The following TENM1 variants were observed in gnomAD, a reference collection of about 807,000 sequenced individuals.
TENM1 encodes teneurin transmembrane protein 1, also known as teneurin-1.
A neutral mutation model predicts 174.8 loss-of-function variants in TENM1; 35 were observed. The observed-to-expected ratio is 0.20, with a 90% CI of 0.15 to 0.27. The LOEUF (loss-of-function observed/expected upper bound fraction) is 0.27, where lower values mean the gene tolerates loss of function less well. Among genes scored for constraint, TENM1 ranks in the 10% least tolerant of loss-of-function variants. The pLI, the probability that TENM1 is intolerant of heterozygous loss-of-function variation, is 1.00. For missense variants in TENM1, 1,633 were observed against 2,130.1 expected, an observed-to-expected ratio of 0.77 and a Z score of 4.59; for synonymous variants, 781 against 798.7, an observed-to-expected ratio of 0.98 and a Z score of 0.37.
chrX:124,393,759 C>T (rs1488074618), intron 27 of TENM1, among the ~76,000 whole-genome samples: 1 of 111,052 alleles, frequency 9.0e-6, no homozygotes, highest in East Asian at 2.8e-4. Context: ...CCTAGTGTAT[C>T]CGGCAGGAAC....
intron 1 of TENM1, among the ~76,000 whole-genome samples, chrX:124,914,907 A>G (rs749759947): frequency 2.0e-4 from 22 of 111,620 alleles, no homozygotes; most frequent in Admixed American, 1.1e-3. Context: ...AACATGCTTT[A>G]CAAAGTCTTA....
chrX:125,086,060 A>G, the TENM1 span, among the ~76,000 whole-genome samples: 26 of 110,873 alleles, frequency 2.3e-4, no homozygotes, highest in African/African-American at 7.5e-4. Context: ...TATGGTTTAT[A>G]CTTGCCTCCC....
At chrX:124,897,404 C>G (rs183366171) in intron 1 of TENM1, among the ~76,000 whole-genome samples, 186 of 111,479 alleles carry the variant, frequency 1.7e-3, no homozygotes, top group Admixed American at 7.8e-3. Flanking sequence ...CTGAGTGCAT[C>G]TAATCCTTAG....
chrX:124,587,846 A>T (rs1380786043), intron 11 of TENM1, among the ~76,000 whole-genome samples: 1 of 111,936 alleles, frequency 8.9e-6, no homozygotes, highest in East Asian at 2.8e-4. Context: ...TTTACAAGAA[A>T]AAAACAAACA....
chrX:124,637,201 T>G (rs886630468), intron 11 of TENM1, among the ~76,000 whole-genome samples: 9 of 109,839 alleles, frequency 8.2e-5, no homozygotes, highest in African/African-American at 1.7e-4. Context: ...GTGATTCTCC[T>G]GCTTCAGCCT....
chrX:124,974,888 C>CTATATATATATATA, the TENM1 span, among the ~76,000 whole-genome samples: 3 of 72,755 alleles, frequency 4.1e-5, no homozygotes, highest in Middle Eastern at 6.8e-3. Context: ...GGGACTGACA[C>CTATATATATATATA]TATATATATA....
the TENM1 span, among the ~76,000 whole-genome samples, chrX:125,160,568 A>AATAGAG: frequency 1.9e-5 from 2 of 104,851 alleles, no homozygotes; most frequent in African/African-American, 7.0e-5. Context: ...AAAAAAAAAA[A>AATAGAG]ACAGAGAGAG....
chrX:125,036,404 G>A, the TENM1 span, among the ~76,000 whole-genome samples: 4 of 111,855 alleles, frequency 3.6e-5, no homozygotes, highest in Admixed American at 3.8e-4. Context: ...CGTTTGAAAT[G>A]CTTGTGAGTT....
intron 3 of TENM1, among the ~76,000 whole-genome samples, chrX:124,819,426 A>G (rs1056632210): frequency 1.1e-4 from 12 of 111,377 alleles, no homozygotes; most frequent in African/African-American, 3.3e-4. Context: ...GGAGAGGTTT[A>G]GTGACTTGGC....
Position 124,391,970 on chromosome X carries a change from C to G in TENM1, c.5688+82G>C, listed in dbSNP as rs764041071. On this transcript the variant is annotated intron_variant, in intron 28 of 31. Coordinates refer to ENST00000422452, the Ensembl canonical transcript of TENM1. ...AACACAGACTTTTCTCCTGCAGGTCCTCACCAAGATGGACAATTAGGGCCA... is the reference window on the plus strand; with the variant it reads ...AACACAGACTTTTCTCCTGCAGGTCGTCACCAAGATGGACAATTAGGGCCA... 15 of 832,282 alleles carry G rather than the reference C, an allele frequency of 1.8e-5. No homozygotes were observed. The African/African-American group carries it at 2.7e-4, about 15-fold the overall frequency. The allele number at this position is 832,282 out of a possible 1,213,427, so 68.6% of individuals were successfully genotyped here. A position where few individuals can be genotyped will look rare whatever the true frequency, so the allele number is the denominator to read the frequency against.
At chrX:124,742,360 T>C (rs750901978) in intron 3 of TENM1, among the ~76,000 whole-genome samples, 2 of 111,011 alleles carry the variant, frequency 1.8e-5, no homozygotes, top group Admixed American at 1.9e-4. Flanking sequence ...TCTACAACTA[T>C]GGAATCAAAG....
chrX:124,441,558 C>T (rs1347560637), intron 23 of TENM1, among the ~76,000 whole-genome samples: 1 of 111,861 alleles, frequency 8.9e-6, no homozygotes, highest in Non-Finnish European at 1.9e-5. Context: ...ATAATATAAG[C>T]CTTTGGATCA....
chrX:125,195,262 A>G, the TENM1 span, among the ~76,000 whole-genome samples: 19 of 111,761 alleles, frequency 1.7e-4, no homozygotes, highest in African/African-American at 9.7e-5. Context: ...TGTAAATGTT[A>G]ATTTTTTTCC....
At chrX:124,477,409 A>G (rs1487718438) in intron 22 of TENM1, among the ~76,000 whole-genome samples, 2 of 112,123 alleles carry the variant, frequency 1.8e-5, no homozygotes, top group Non-Finnish European at 3.8e-5. Flanking sequence ...CATTGAATAC[A>G]TGTCCTCAGA....
chrX:124,775,453 T>C (rs1297338633), intron 3 of TENM1, among the ~76,000 whole-genome samples: 1 of 111,893 alleles, frequency 8.9e-6, no homozygotes, highest in Non-Finnish European at 1.9e-5. Flanking sequence ...AAGCAAGTCA[T>C]AATATTTCAT....
At chrX:124,426,666 C>T (rs2060721100) in intron 23 of TENM1, among the ~76,000 whole-genome samples, 1 of 111,942 alleles carries the variant, frequency 8.9e-6, no homozygotes, top group Non-Finnish European at 1.9e-5. Flanking sequence ...TTCTGTGTGC[C>T]TTCCACCTCT....
chrX:124,644,856 A>G (rs1386798167), intron 10 of TENM1, among the ~76,000 whole-genome samples: 2 of 111,477 alleles, frequency 1.8e-5, no homozygotes, highest in African/African-American at 6.5e-5. Context: ...AAAATCATCA[A>G]TATGGACATT....
In TENM1 at chrX:124,569,868, A is replaced by T. The variant is rs73554433; in HGVS notation, c.2078-4308T>A. Among the ~76,000 whole-genome samples, 805 of 111,498 alleles carry T rather than the reference A, an allele frequency of 7.2e-3. 9 individuals are homozygous for T. The highest frequency in any genetic ancestry group is 0.025 in the African/African-American group (768 of 30,855). The stretch of plus-strand genomic sequence containing the variant: ...AAGTAGAAGGAAGAAAATGCTAATT[A>T]TAAGAGCTGAAACTAATACAATAGG... On this transcript the variant is annotated intron_variant, in intron 11 of 31. Transcript: ENST00000422452.
the TENM1 span, among the ~76,000 whole-genome samples, chrX:125,030,246 G>C: frequency 1.8e-5 from 2 of 111,847 alleles, no homozygotes; most frequent in Non-Finnish European, 3.8e-5. Context: ...ATCCGAAGAA[G>C]GTCGGCGTTT....
Sources: allele counts gnomAD v4.1 joint callset (sites outside exome capture counted in the v4.1 genomes callset), GRCh38; gene constraint gnomAD v4.1.1; transcripts MANE v1.5; gene names NCBI Gene and HGNC (gene_info 2026-07-23, HGNC 2026-07-21).